Variants in SKAP1 observed in about 807,000 individuals in gnomAD.
SKAP1 encodes the protein src kinase-associated phosphoprotein 1.
A neutral mutation model predicts 58.5 loss-of-function variants in SKAP1; 44 were observed. That is an observed-to-expected ratio of 0.75 (90% CI 0.59 to 0.97). The LOEUF (loss-of-function observed/expected upper bound fraction) is 0.97. SKAP1 is among the 50% of genes least tolerant of loss of function. The pLI is 0.00. For synonymous variants in SKAP1, 127 were observed against 149.7 expected (o/e 0.85, Z 1.11); for missense variants, 390 against 435.2 (o/e 0.90, Z 0.92).
chr17:48,438,384 A>C, the SKAP1 span, among the ~76,000 whole-genome samples: 2 of 152,220 alleles, frequency 1.3e-5, no homozygotes, highest in African/African-American at 2.4e-5. Context: ...ATATATATAC[A>C]AATTATCCAT....
At chr17:48,173,186 T>TAAA (rs11453633) in intron 9 of SKAP1, among the ~76,000 whole-genome samples, 1 of 144,580 alleles carries the variant, frequency 6.9e-6, no homozygotes, top group African/African-American at 2.6e-5. Context: ...ACCTTGTCTC[T>TAAA]AAAAAAAAAA....
intron 4 of SKAP1, among the ~76,000 whole-genome samples, chr17:48,208,544 C>G (rs1240306688): frequency 6.6e-6 from 1 of 152,190 alleles, no homozygotes; most frequent in African/African-American, 2.4e-5. Context: ...TACTCTCCCC[C>G]AGGACCTCAA....
At chr17:48,208,470 T>C (rs898960329) in intron 4 of SKAP1, among the ~76,000 whole-genome samples, 2 of 152,180 alleles carry the variant, frequency 1.3e-5, no homozygotes, top group Non-Finnish European at 2.9e-5. Context: ...TTAAATGATG[T>C]CCCCGAGGGT....
intron 4 of SKAP1, chr17:48,308,534 A>G (rs900164936): frequency 2.6e-5 from 4 of 152,168 alleles, no homozygotes; most frequent in African/African-American, 7.2e-5. Flanking sequence ...GAAATATTAC[A>G]TATTTCCTTT....
chr17:48,309,617 A>T (rs2066196165), intron 4 of SKAP1, among the ~76,000 whole-genome samples: 1 of 152,184 alleles, frequency 6.6e-6, no homozygotes. Flanking sequence ...ATATGTCCAC[A>T]TATATACTCT....
At chr17:48,367,953 A>G (rs1288380309) in intron 2 of SKAP1, among the ~76,000 whole-genome samples, 1 of 151,742 alleles carries the variant, frequency 6.6e-6, no homozygotes, top group African/African-American at 2.4e-5. Flanking sequence ...TAAAAATTAT[A>G]TGTAGAATTT....
At chr17:48,393,751 G>A (rs550655220) in intron 2 of SKAP1, among the ~76,000 whole-genome samples, 1 of 151,986 alleles carries the variant, frequency 6.6e-6, no homozygotes, top group South Asian at 2.1e-4. Flanking sequence ...AAGAGACTAG[G>A]AAGTTGTAAA....
intron 4 of SKAP1, among the ~76,000 whole-genome samples, chr17:48,235,799 T>C (rs1399219424): frequency 6.6e-6 from 1 of 152,228 alleles, no homozygotes; most frequent in Non-Finnish European, 1.5e-5. Flanking sequence ...TGCTTGTACT[T>C]GGACCAGTAA....
chr17:48,375,076 T>G (rs2067135407), intron 2 of SKAP1, among the ~76,000 whole-genome samples: 1 of 152,212 alleles, frequency 6.6e-6, no homozygotes, highest in Non-Finnish European at 1.5e-5. Flanking sequence ...TCTAATATGA[T>G]AAATACTACT....
At chr17:48,335,373 T>C (rs79198550) in intron 4 of SKAP1, among the ~76,000 whole-genome samples, 70 of 152,100 alleles carry the variant, frequency 4.6e-4, no homozygotes, top group African/African-American at 1.6e-3. Context: ...ATAGCAACTT[T>C]TCATTGATTC....
intron 11 of SKAP1, among the ~76,000 whole-genome samples, chr17:48,146,164 G>A (rs1489562527): frequency 1.3e-5 from 2 of 151,950 alleles, no homozygotes; most frequent in African/African-American, 4.8e-5. Flanking sequence ...GTATCCTCGC[G>A]CTCCCCACAC....
upstream of SKAP1, chr17:48,430,398 G>T (rs2067904590): frequency 4.8e-6 from 1 of 210,306 alleles, no homozygotes; most frequent in African/African-American, 2.3e-5. Flanking sequence ...GCACCGCACC[G>T]TGCGAGGCCA....
intron 1 of SKAP1, among the ~76,000 whole-genome samples, chr17:48,413,523 A>AAAAAAAAAAATATATATATATATATAT: frequency 2.8e-5 from 3 of 105,454 alleles, no homozygotes; most frequent in African/African-American, 1.3e-4. Flanking sequence ...TCAAAAAAAA[A>AAAAAAAAAAATATATATATATATATAT]ATATATATAT....
At chr17:48,159,128 G>A (rs991211475) in intron 11 of SKAP1, among the ~76,000 whole-genome samples, 2 of 152,188 alleles carry the variant, frequency 1.3e-5, no homozygotes, top group Admixed American at 6.5e-5. Flanking sequence ...TAGAGAGAGA[G>A]GGGGAAACCA....
At chr17:48,372,468 G>A (rs953194829) in intron 2 of SKAP1, among the ~76,000 whole-genome samples, 4 of 151,726 alleles carry the variant, frequency 2.6e-5, no homozygotes, top group South Asian at 2.1e-4. Flanking sequence ...CACCATGCCC[G>A]GCTAATTTTG....
intron 4 of SKAP1, among the ~76,000 whole-genome samples, chr17:48,262,686 T>C (rs1014557840): frequency 2.0e-5 from 3 of 152,210 alleles, no homozygotes; most frequent in African/African-American, 7.2e-5. Context: ...TGTGAACATA[T>C]GTTTTATGAG....
At chr17:48,369,178 T>TAAATAAATAAATAAAA (rs775168454) in intron 2 of SKAP1, among the ~76,000 whole-genome samples, 8 of 145,284 alleles carry the variant, frequency 5.5e-5, no homozygotes, top group African/African-American at 2.1e-4. Context: ...AATAAATAAA[T>TAAATAAATAAATAAAA]ATAAAATAAA....
intron 1 of SKAP1, among the ~76,000 whole-genome samples, chr17:48,404,890 C>T (rs927180850): frequency 2.6e-5 from 4 of 151,980 alleles, no homozygotes; most frequent in Admixed American, 1.3e-4. Context: ...GTGTACAAAA[C>T]ATCCTAGGCA....
intron 4 of SKAP1, among the ~76,000 whole-genome samples, chr17:48,216,494 CTT>C (rs34252112): frequency 3.9e-4 from 56 of 144,728 alleles, no homozygotes; most frequent in African/African-American, 4.8e-4. Flanking sequence ...TGTGAATATA[CTT>C]TTTTTTTTTT....
Sources: allele counts gnomAD v4.1 joint callset (sites outside exome capture counted in the v4.1 genomes callset), GRCh38; gene constraint gnomAD v4.1.1; transcripts MANE v1.5; gene names NCBI Gene and HGNC (gene_info 2026-07-23, HGNC 2026-07-21).